Variants in ASPHD1 observed in about 807,000 individuals in gnomAD.
The protein encoded by ASPHD1 is aspartate beta-hydroxylase domain containing 1, also known as aspartate beta-hydroxylase domain-containing protein 1.
In ASPHD1, 20 loss-of-function variants were observed where a neutral mutation model predicts 28.3. The ratio of observed to expected loss-of-function variants is 0.71; its 90% CI spans 0.50 to 1.03. ASPHD1 has a LOEUF of 1.03. Ranked by LOEUF, ASPHD1 falls within the 50% of genes least tolerant of loss-of-function variation. ASPHD1 has a pLI of 0.00. For synonymous variants in ASPHD1, 240 were observed against 221.2 expected (o/e 1.08, Z -0.75); for missense variants, 479 against 524.1 (o/e 0.91, Z 0.84).
rs116806822 is a variant in ASPHD1, at chr16:29,900,906, G to A, written c.-66G>A. 1.8e-3 allele frequency: 2,544 copies of A among 1,421,158 alleles called. 28 individuals carry two copies. In the African/African-American group the frequency reaches 0.032, roughly 18 times the overall value. The allele number at this position is 1,421,158 out of a possible 1,614,324, so 88.0% of individuals were successfully genotyped here. On this transcript the variant is annotated 5_prime_UTR_variant, in exon 1 of 3. Coordinates refer to ENST00000308748, the MANE Select transcript of ASPHD1 (RefSeq NM_181718.4). Reference sequence around the variant, plus strand: ...AGAGGGTGAGGAGGCGACAGAGGGAGAGGAGGAAGAAGAGGTAGAAGGAGA... The same window carrying A: ...AGAGGGTGAGGAGGCGACAGAGGGAAAGGAGGAAGAAGAGGTAGAAGGAGA...
downstream of ASPHD1, chr16:29,911,030 G>A: frequency 6.2e-7 from 1 of 1,614,160 alleles, no homozygotes; most frequent in Non-Finnish European, 8.5e-7. Context: ...GCACACCTCG[G>A]CGATTTTGCG....
At chr16:29,912,686 C>T (rs756081150) in intron 3 of ASPHD1, among the ~76,000 whole-genome samples, 2 of 152,164 alleles carry the variant, frequency 1.3e-5, no homozygotes, top group South Asian at 2.1e-4. Context: ...GTGATCAGCC[C>T]GCCTCAGCCT....
chr16:29,907,129 C>A, downstream of ASPHD1: 1 of 1,551,080 alleles, frequency 6.4e-7, no homozygotes, highest in Non-Finnish European at 8.8e-7. Flanking sequence ...CCAGCCGGCC[C>A]CAGCTCCTTC....
chr16:29,918,460 ATTTAT>A (rs781004686), intron 3 of ASPHD1, among the ~76,000 whole-genome samples: 11 of 152,056 alleles, frequency 7.2e-5, no homozygotes, highest in Non-Finnish European at 1.0e-4. Context: ...CAGTCATTTT[ATTTAT>A]TTTATTATTT....
Position 29,901,722 on chromosome 16 carries a change from C to A in ASPHD1, c.751C>A (p.Gln251Lys). 1 of 1,568,710 alleles carries A rather than the reference C, an allele frequency of 6.4e-7. No individual in the cohort carries two copies. Residue 251 changes from glutamine (Q) to lysine (K), a missense_variant, in exon 1 of 3, where the codon CAG becomes AAG. Transcript: ENST00000308748. The surrounding 1 kb of genome is among the most constrained non-coding windows in gnomAD (Gnocchi z 5.1). ...CCCACCTCTGGCCCCCGGGTGCTACCAGCTCCTGCTGTACCAAGCAGGCCG... is the reference window on the plus strand; with the variant it reads ...CCCACCTCTGGCCCCCGGGTGCTACAAGCTCCTGCTGTACCAAGCAGGCCG... ...WSPPLAPGCY[Q>K]LLLYQAGRCQ...
At chr16:29,918,123 TAATAATGTTGA>T (rs1452099805) in intron 3 of ASPHD1, among the ~76,000 whole-genome samples, 9 of 152,250 alleles carry the variant, frequency 5.9e-5, no homozygotes, top group African/African-American at 1.7e-4. Context: ...TAATCTCATG[TAATAATGTTGA>T]AGAGAAAAGA....
intron 3 of ASPHD1, among the ~76,000 whole-genome samples, chr16:29,915,510 G>A (rs2068793787): frequency 6.6e-6 from 1 of 151,868 alleles, no homozygotes; most frequent in Non-Finnish European, 1.5e-5. Flanking sequence ...AAATTAGCTG[G>A]GCGTGGTGGT....
rs2068537647 is a variant in ASPHD1, at chr16:29,901,104, G to A, written c.133G>A (p.Glu45Lys). 1 of 1,610,160 alleles carries A rather than the reference G, an allele frequency of 6.2e-7. No individual in the cohort carries two copies. Among genetic ancestry groups the A allele is most frequent in the Non-Finnish European group, 8.5e-7 (1 of 1,178,116 alleles). ...QGAAMEGTGG[E>K]LGGQGNWGPE... ...GGCAGCCATGGAAGGGACAGGTGGG[G>A]AGCTGGGGGGACAGGGGAACTGGGG... is the stretch of plus-strand genomic sequence containing the variant. Residue 45 changes from glutamate to lysine, a missense_variant, in exon 1 of 3, where the codon GAG (glutamate) becomes AAG (lysine). Coordinates refer to ENST00000308748, the MANE Select transcript of ASPHD1 (RefSeq NM_181718.4). This position sits in a 1 kb window ranked among gnomAD's most constrained non-coding sequence, Gnocchi z 5.1.
chr16:29,912,174 C>T, intron 3 of ASPHD1: 2 of 693,238 alleles, frequency 2.9e-6, no homozygotes, highest in Non-Finnish European at 2.5e-6. Context: ...GCTCTGCAGG[C>T]TCCAAGCTCC....
At chr16:29,910,357 C>T (rs926989845), downstream of ASPHD1, among the ~76,000 whole-genome samples, 9 of 151,870 alleles carry the variant, frequency 5.9e-5, no homozygotes, top group Non-Finnish European at 8.8e-5. Context: ...GAGATTGTGC[C>T]ACTGCACTAC....
chr16:29,917,449 C>A (rs1376185810), intron 3 of ASPHD1, among the ~76,000 whole-genome samples: 2 of 151,956 alleles, frequency 1.3e-5, no homozygotes, highest in Non-Finnish European at 2.9e-5. Flanking sequence ...GAGTTTGAGA[C>A]CAGCTTGACC....
rs370610053 is a variant in ASPHD1 at position 29,905,941 on chromosome 16, G to A, written c.*44G>A. The stretch of plus-strand genomic sequence containing the variant: ...CACACCCAGGCTGGAGAGACACTGC[G>A]CTCAGGGACGGCTTGATGGTAGCCA... On this transcript the variant is annotated 3_prime_UTR_variant, in exon 3 of 3. Coordinates refer to ENST00000308748, the MANE Select transcript of ASPHD1 (RefSeq NM_181718.4). The A allele has an allele frequency of 9.9e-6, 15 of 1,508,596 alleles. No homozygotes were observed. Among genetic ancestry groups the A allele is most frequent in the African/African-American group, 4.1e-5 (3 of 72,484 alleles). The allele number at this position is 1,508,596 out of a possible 1,614,324, so 93.5% of individuals were successfully genotyped here.
chr16:29,906,804 G>T, downstream of ASPHD1: 1 of 1,408,012 alleles, frequency 7.1e-7, no homozygotes, highest in Non-Finnish European at 9.9e-7. Context: ...GCAAAAGTCT[G>T]GGAAGGGGAG....
intron 3 of ASPHD1, among the ~76,000 whole-genome samples, chr16:29,912,767 A>C (rs915378904): frequency 6.6e-5 from 10 of 152,222 alleles, no homozygotes; most frequent in African/African-American, 2.4e-4. Context: ...CACAGCAGTT[A>C]GTGTCTGACT....
chr16:29,901,965 T>C lies in ASPHD1; in HGVS notation c.949+45T>C, dbSNP rs376698852. The C allele has an allele frequency of 1.5e-5, 21 of 1,392,680 alleles. No individual in the cohort carries two copies. Among genetic ancestry groups the C allele is most frequent in the African/African-American group, 1.3e-4 (9 of 66,798 alleles). The allele number at this position is 1,392,680 out of a possible 1,614,324, so 86.3% of individuals were successfully genotyped here. On this transcript the variant is annotated intron_variant, in intron 1 of 2. Coordinates refer to ENST00000308748, the MANE Select transcript of ASPHD1 (RefSeq NM_181718.4). The surrounding 1 kb of genome is among the most constrained non-coding windows in gnomAD (Gnocchi z 5.1). ...TGACAACCTCCTTGCCTCGATGATT[T>C]CCCCCCCAGACCCTTCTCTCCGCCA...
At chr16:29,909,394 A>G (rs921802609), downstream of ASPHD1, among the ~76,000 whole-genome samples, 2 of 152,196 alleles carry the variant, frequency 1.3e-5, no homozygotes, top group African/African-American at 4.8e-5. Context: ...GTAAGAGGTA[A>G]GAAATAGCAC....
intron 3 of ASPHD1, chr16:29,911,487 T>C: frequency 1.8e-6 from 1 of 562,238 alleles, no homozygotes; most frequent in Non-Finnish European, 3.1e-6. Context: ...CCTCTTGGTG[T>C]CCCGACCTCC....
intron 3 of ASPHD1, chr16:29,911,567 G>A (rs757082925): frequency 1.2e-5 from 7 of 592,786 alleles, no homozygotes; most frequent in South Asian, 2.0e-5. Context: ...CCTAGAATGA[G>A]AGCACTTGGG....
chr16:29,905,068 A>C, intron 2 of ASPHD1, 103 bp downstream of exon 2: 2 of 783,840 alleles, frequency 2.6e-6, no homozygotes, highest in Non-Finnish European at 4.2e-6. Context: ...CTGTCCTACC[A>C]CCACCATCTT....
Sources: gnomAD v4.1 joint callset for allele counts (sites outside exome capture counted in the v4.1 genomes callset) on GRCh38, gnomAD v4.1.1 for gene constraint, Gnocchi (gnomAD v3.1) non-coding constraint, MANE v1.5 for transcripts, NCBI Gene and HGNC (gene_info 2026-07-23, HGNC 2026-07-21) for gene names.